The following AFF4 variants were observed in gnomAD, a reference collection of about 807,000 sequenced individuals.
AFF4 encodes the protein ALF transcription elongation factor 4.
In AFF4, 13 loss-of-function variants were observed where a neutral mutation model predicts 124.8. The observed-to-expected ratio is 0.10, with a 90% confidence interval of 0.07 to 0.17. The LOEUF (loss-of-function observed/expected upper bound fraction) is 0.17. Ranked by LOEUF, AFF4 falls within the 10% of genes least tolerant of loss-of-function variation. The probability of loss-of-function intolerance (pLI) is 1.00; values close to 1 mark genes in which losing one functional copy is unlikely to be tolerated. For synonymous variants in AFF4, 477 were observed against 496.1 expected (o/e 0.96, Z 0.51); for missense variants, 1,092 against 1,403.8 (o/e 0.78, Z 3.55).
At chr5:132,914,161 G>A (rs1760856685) in intron 5 of AFF4, among the ~76,000 whole-genome samples, 1 of 152,078 alleles carries the variant, frequency 6.6e-6, no homozygotes. Context: ...CGGTGAGGTG[G>A]AGGTTACAAT....
intron 10 of AFF4, 37 bp downstream of exon 10, chr5:132,898,189 TGAGA>T: frequency 6.2e-7 from 1 of 1,610,246 alleles, no homozygotes; most frequent in Non-Finnish European, 8.5e-7. Context: ...CCAAGGACCC[TGAGA>T]GGGCCTGTGG....
intron 1 of AFF4, among the ~76,000 whole-genome samples, chr5:132,962,782 T>A (rs1036722206): frequency 1.3e-5 from 2 of 148,580 alleles, no homozygotes; most frequent in African/African-American, 5.0e-5. Context: ...CCTTCGCAAG[T>A]CGAAGGCGGA....
chr5:132,949,081 C>T (rs1454115648), intron 1 of AFF4, among the ~76,000 whole-genome samples: 1 of 151,734 alleles, frequency 6.6e-6, no homozygotes, highest in East Asian at 1.9e-4. Context: ...GACTCAGTGA[C>T]GGGTCTAAAA....
At chr5:132,898,618 G>T (rs1023897890) in intron 9 of AFF4, among the ~76,000 whole-genome samples, 1 of 151,996 alleles carries the variant, frequency 6.6e-6, no homozygotes, top group African/African-American at 2.4e-5. Context: ...CAAGTAGCTG[G>T]GACTACAGGC....
intron 4 of AFF4, among the ~76,000 whole-genome samples, chr5:132,930,953 A>C (rs1316771729): frequency 1.3e-5 from 2 of 150,752 alleles, no homozygotes; most frequent in Non-Finnish European, 3.0e-5. Context: ...AAAAAAAAAA[A>C]AAAATTAGCC....
chr5:132,952,620 G>T (rs184608598), intron 1 of AFF4, among the ~76,000 whole-genome samples: 1 of 152,116 alleles, frequency 6.6e-6, no homozygotes, highest in African/African-American at 2.4e-5. Context: ...GTGGCCAGGC[G>T]CGGTGGCTCA....
chr5:132,949,460 T>A (rs1172167214), intron 1 of AFF4, among the ~76,000 whole-genome samples: 2 of 152,110 alleles, frequency 1.3e-5, no homozygotes, highest in African/African-American at 4.8e-5. Flanking sequence ...AAGGACCGCT[T>A]GAGCCCAGGA....
intron 7 of AFF4, among the ~76,000 whole-genome samples, 170 bp downstream of exon 7, chr5:132,902,272 T>A (rs1760569831): frequency 6.6e-6 from 1 of 152,136 alleles, no homozygotes; most frequent in Non-Finnish European, 1.5e-5. Flanking sequence ...GGTCTCGAAC[T>A]CCTGACCTCA....
intron 4 of AFF4, among the ~76,000 whole-genome samples, chr5:132,928,738 G>A (rs1761236388): frequency 6.6e-6 from 1 of 152,170 alleles, no homozygotes; most frequent in African/African-American, 2.4e-5. Context: ...ATTTTATTAA[G>A]TGACAAAGAC....
At chr5:132,921,711 C>T (rs545504628) in intron 5 of AFF4, among the ~76,000 whole-genome samples, 9 of 151,964 alleles carry the variant, frequency 5.9e-5, no homozygotes, top group African/African-American at 1.9e-4. Context: ...GGTGATCCAC[C>T]CACCTTGGCC....
rs1389200214 is a variant in AFF4, at chr5:132,918,883, T to G, written c.1050+8238A>C. Among the ~76,000 whole-genome samples the G allele has an allele frequency of 2.1e-5, 3 of 139,536 alleles. No individual in the cohort carries two copies. The Admixed American group carries it at 2.2e-4, about 10-fold the overall frequency. The allele number at this position is 139,536 out of a possible 152,430, so 91.5% of individuals were successfully genotyped here. A position where few individuals can be genotyped will look rare whatever the true frequency, so the allele number is the denominator to read the frequency against. On this transcript the variant is annotated intron_variant, in intron 5 of 20. Coordinates refer to ENST00000265343, the MANE Select transcript of AFF4 (RefSeq NM_014423.4). ...ATGTTGAAATTGACAAGGTGTTGTT[T>G]GTTTGTTTTTTTTTTTTTTTGAGAC...
At chr5:132,919,324 A>C (rs540285061) in intron 5 of AFF4, among the ~76,000 whole-genome samples, 55 of 152,354 alleles carry the variant, frequency 3.6e-4, no homozygotes, top group Non-Finnish European at 6.8e-4. Flanking sequence ...TCATATTGGC[A>C]CCATGACAGA....
Position 132,952,667 on chromosome 5 carries a change from G to A in AFF4, c.-5+10592C>T, listed in dbSNP as rs1761872466. ...CCAGCATTTTGGGAGGCCAAGGCAG[G>A]CAGATCACTTGAGGTCAGGAGTTCA... is the stretch of plus-strand genomic sequence containing the variant. On this transcript the variant is annotated intron_variant, in intron 1 of 20. Coordinates refer to ENST00000265343, the MANE Select transcript of AFF4 (RefSeq NM_014423.4). Among the ~76,000 whole-genome samples, 3 of 152,214 alleles carry A rather than the reference G, an allele frequency of 2.0e-5. No homozygotes were observed. In the South Asian group the frequency reaches 6.2e-4, roughly 31 times the overall value.
rs1388852704 is a variant in AFF4 at position 132,934,717 on chromosome 5, G to A, written c.348C>T (p.Ser116=). 3.7e-6 allele frequency: 6 copies of A among 1,614,144 alleles called. No individual in the cohort carries two copies. Among genetic ancestry groups the A allele is most frequent in the East Asian group, 4.5e-5 (2 of 44,882 alleles). Residue 116 remains serine (S), a synonymous_variant, in exon 3 of 21, where the codon AGC becomes AGT. Transcript: ENST00000265343. ...AGGACCGTTTCTGAGACTGAGAAGTGCTGGGTGCGGGTCCTACTGGAGTCC... is the reference window on the plus strand; with the variant it reads ...AGGACCGTTTCTGAGACTGAGAAGTACTGGGTGCGGGTCCTACTGGAGTCC... ...SKWTPVGPAP[S]TSQSQKRSSG...
intron 11 of AFF4, 88 bp from the exon 12 acceptor site, chr5:132,893,206 A>C (rs988299571): frequency 9.9e-7 from 1 of 1,008,318 alleles, no homozygotes; most frequent in Non-Finnish European, 1.6e-6. Flanking sequence ...TTTATCCATG[A>C]TTAGGCATCA....
rs199881237 is a variant in AFF4 at position 132,899,560 on chromosome 5, G to A, written c.1188+27C>T. The stretch of plus-strand genomic sequence containing the variant: ...TACAATGAAAATACTATATGAGACT[G>A]GCAAAATAATACAATAGTAGACACA... On this transcript the variant is annotated intron_variant, in intron 8 of 20. Coordinates refer to ENST00000265343, the MANE Select transcript of AFF4 (RefSeq NM_014423.4). 8.0e-4 allele frequency: 1,274 copies of A among 1,583,984 alleles called. 1 individual carries two copies. Among genetic ancestry groups the A allele is most frequent in the Non-Finnish European group, 1.0e-3 (1,200 of 1,161,944 alleles).
intron 1 of AFF4, among the ~76,000 whole-genome samples, chr5:132,958,940 G>C (rs1023203752): frequency 1.3e-5 from 2 of 152,026 alleles, no homozygotes; most frequent in African/African-American, 4.8e-5. Flanking sequence ...CAACAACCTT[G>C]GGAAAAGAAT....
At chr5:132,961,842 G>T (rs1762088165) in intron 1 of AFF4, among the ~76,000 whole-genome samples, 1 of 152,118 alleles carries the variant, frequency 6.6e-6, no homozygotes, top group Non-Finnish European at 1.5e-5. Context: ...ACCGCAAATT[G>T]AATGAAACTG....
intron 4 of AFF4, among the ~76,000 whole-genome samples, chr5:132,928,166 C>T (rs1761220998): frequency 6.6e-6 from 1 of 150,946 alleles, no homozygotes; most frequent in African/African-American, 2.4e-5. Flanking sequence ...CCTAGGTAGT[C>T]AATGTGAAAG....
Sources: allele counts gnomAD v4.1 joint callset (sites outside exome capture counted in the v4.1 genomes callset), GRCh38; gene constraint gnomAD v4.1.1; transcripts MANE v1.5; gene names NCBI Gene and HGNC (gene_info 2026-07-23, HGNC 2026-07-21).